Variants in PLAAT1 observed in about 807,000 individuals in gnomAD.
PLAAT1 encodes the protein phospholipase A and acyltransferase 1, also known as H-REV107 protein-related protein.
PLAAT1 carries 13 observed loss-of-function variants against 16.4 expected under a neutral mutation model. The ratio of observed to expected loss-of-function variants is 0.79; its 90% confidence interval spans 0.52 to 1.26. The LOEUF (loss-of-function observed/expected upper bound fraction) is 1.26, where lower values mean the gene tolerates loss of function less well. PLAAT1 is among the 50% of genes most tolerant of loss of function. The pLI is 0.00. For synonymous variants in PLAAT1, 73 were observed against 78.4 expected, an observed-to-expected ratio of 0.93 and a Z score of 0.36; for missense variants, 218 against 207.8, an observed-to-expected ratio of 1.05 and a Z score of -0.30.
chr3:193,248,883 T>A (rs969920322), intron 1 of PLAAT1, among the ~76,000 whole-genome samples: 4 of 152,174 alleles, frequency 2.6e-5, no homozygotes, highest in Admixed American at 1.3e-4. Context: ...ACTATATACT[T>A]ACTTTTACCA....
chr3:193,245,365 C>T (rs116776667), intron 1 of PLAAT1, among the ~76,000 whole-genome samples: 191 of 152,214 alleles, frequency 1.3e-3, no homozygotes, highest in Non-Finnish European at 2.1e-3. Flanking sequence ...TCACTAATGA[C>T]GAAATTTCCT....
chr3:193,272,829 C>T (rs370683434), downstream of PLAAT1, among the ~76,000 whole-genome samples: 1 of 123,674 alleles, frequency 8.1e-6, no homozygotes, highest in Non-Finnish European at 1.7e-5. Flanking sequence ...CTCACAAAGC[C>T]ATCAGTTTCC....
chr3:193,275,829 C>T (rs779435563), downstream of PLAAT1, among the ~76,000 whole-genome samples: 5 of 152,074 alleles, frequency 3.3e-5, no homozygotes, highest in Non-Finnish European at 7.4e-5. Context: ...TTTATTTATG[C>T]TAAACTTTCT....
chr3:193,275,289 T>C (rs1255865464), downstream of PLAAT1: 1 of 1,613,412 alleles, frequency 6.2e-7, no homozygotes, highest in Non-Finnish European at 8.5e-7. Context: ...TTCATGATTT[T>C]GAAGGATGGA....
At chr3:193,274,961 G>C, downstream of PLAAT1, 4 of 1,541,688 alleles carry the variant, frequency 2.6e-6, no homozygotes, top group South Asian at 4.9e-5. Context: ...AAGGTAAGGG[G>C]AGAGTATCAT....
intron 1 of PLAAT1, among the ~76,000 whole-genome samples, chr3:193,247,798 A>G (rs58386325): frequency 0.01 from 1,592 of 152,330 alleles, 55 homozygotes; most frequent in East Asian, 0.072. Context: ...GAAATACTTG[A>G]TAAGATTTCA....
At chr3:193,253,825 A>C (rs1246101227) in intron 1 of PLAAT1, among the ~76,000 whole-genome samples, 1 of 152,206 alleles carries the variant, frequency 6.6e-6, no homozygotes, top group African/African-American at 2.4e-5. Flanking sequence ...TGGGATGATA[A>C]CATAACACAC....
At chr3:193,278,727 TTCTG>T (rs1375535668), downstream of PLAAT1, among the ~76,000 whole-genome samples, 1 of 152,158 alleles carries the variant, frequency 6.6e-6, no homozygotes, top group Non-Finnish European at 1.5e-5. Context: ...TTCTTCCCAG[TTCTG>T]TCTGTCTTCA....
intron 2 of PLAAT1, among the ~76,000 whole-genome samples, chr3:193,256,441 C>G (rs919818483): frequency 4.6e-5 from 7 of 152,132 alleles, no homozygotes; most frequent in Admixed American, 6.6e-5. Flanking sequence ...GATATAGTAT[C>G]CCAGGTCAAG....
At chr3:193,260,266 T>C (rs1716536490) in intron 2 of PLAAT1, among the ~76,000 whole-genome samples, 1 of 152,152 alleles carries the variant, frequency 6.6e-6, no homozygotes, top group South Asian at 2.1e-4. Flanking sequence ...GAAGAAAACC[T>C]AGGAAACACT....
chr3:193,275,923 A>G (rs1464935805), intron 2 of PLAAT1, among the ~76,000 whole-genome samples: 1 of 152,178 alleles, frequency 6.6e-6, no homozygotes, highest in Non-Finnish European at 1.5e-5. Context: ...ATGATTAATA[A>G]TGATTTTTAG....
intron 3 of PLAAT1, among the ~76,000 whole-genome samples, chr3:193,266,802 C>T (rs898500692): frequency 2.6e-5 from 4 of 152,062 alleles, no homozygotes; most frequent in Admixed American, 6.6e-5. Context: ...AAATCTTGAT[C>T]TAGCAGCAAC....
intron 2 of PLAAT1, among the ~76,000 whole-genome samples, chr3:193,259,004 C>T (rs973070856): frequency 1.3e-5 from 2 of 152,076 alleles, no homozygotes; most frequent in African/African-American, 4.8e-5. Flanking sequence ...AAATCCTCAA[C>T]AAAAGACCAA....
chr3:193,256,316 G>A (rs1490926801), intron 2 of PLAAT1, among the ~76,000 whole-genome samples: 1 of 152,148 alleles, frequency 6.6e-6, no homozygotes, highest in Non-Finnish European at 1.5e-5. Flanking sequence ...AGGGCAGAAG[G>A]TGGTGGGTGC....
At chr3:193,272,391 G>A (rs528888158), downstream of PLAAT1, among the ~76,000 whole-genome samples, 105 of 152,180 alleles carry the variant, frequency 6.9e-4, no homozygotes, top group African/African-American at 2.1e-3. Flanking sequence ...GCAGTGAGCC[G>A]AGATCACTCC....
chr3:193,248,694 C>T (rs550320936), intron 1 of PLAAT1, among the ~76,000 whole-genome samples: 4 of 152,074 alleles, frequency 2.6e-5, no homozygotes, highest in African/African-American at 9.7e-5. Context: ...AAACTCTAAA[C>T]TTTTACTATC....
intron 3 of PLAAT1, among the ~76,000 whole-genome samples, chr3:193,268,808 G>C (rs1391503556): frequency 1.3e-5 from 2 of 152,094 alleles, no homozygotes; most frequent in African/African-American, 4.8e-5. Flanking sequence ...TCTTAAATTT[G>C]TCAGCTTTCA....
At chr3:193,266,157 A>G (rs1181790953) in intron 3 of PLAAT1, among the ~76,000 whole-genome samples, 2 of 152,032 alleles carry the variant, frequency 1.3e-5, no homozygotes, top group Non-Finnish European at 2.9e-5. Context: ...AAGCTTTTGG[A>G]GGTGATGGAT....
chr3:193,270,069 A>AAT lies in PLAAT1; in HGVS notation c.406-534_406-533insTA, dbSNP rs34199975. On this transcript the variant is annotated intron_variant, in intron 3 of 3. Transcript: ENST00000264735. ...ATTATTTGCTATTTGACATCCCTGA[A>AAT]ACACACACACACACACACACACACA... 4.9e-3 allele frequency among the ~76,000 whole-genome samples: 732 copies of AAT among 147,926 alleles called. 5 individuals are homozygous for AAT. The highest frequency in any genetic ancestry group is 0.016 in the East Asian group (82 of 5,020).
Sources: gnomAD v4.1 joint callset for allele counts (sites outside exome capture counted in the v4.1 genomes callset) on GRCh38, gnomAD v4.1.1 for gene constraint, MANE v1.5 for transcripts, NCBI Gene and HGNC (gene_info 2026-07-23, HGNC 2026-07-21) for gene names.